MPRIP: variants seen among roughly 807,000 people sequenced by gnomAD.
MPRIP encodes the protein myosin phosphatase Rho interacting protein, also known as myosin phosphatase Rho-interacting protein.
Under a neutral mutation model 234.9 loss-of-function variants are expected in MPRIP, and 59 were observed. The observed-to-expected ratio is 0.25, with a 90% CI of 0.20 to 0.31. The LOEUF is 0.31. MPRIP is among the 10% of genes least tolerant of loss of function. The pLI is 1.00. For missense variants in MPRIP, 2,436 were observed against 3,071.0 expected (o/e 0.79, Z 4.89); for synonymous variants, 1,144 against 1,263.9 (o/e 0.91, Z 2.01).
At chr17:17,045,803 T>C (rs1355958083) in intron 1 of MPRIP, among the ~76,000 whole-genome samples, 4 of 147,610 alleles carry the variant, frequency 2.7e-5, no homozygotes, top group African/African-American at 7.8e-5. Context: ...GACCCAAATA[T>C]ACAGTTTTTT....
intron 9 of MPRIP, among the ~76,000 whole-genome samples, chr17:17,144,577 G>T (rs1311377009): frequency 6.6e-6 from 1 of 152,198 alleles, no homozygotes; most frequent in African/African-American, 2.4e-5. Flanking sequence ...TGCAAGCTAG[G>T]CCGGGCACGG....
At chr17:17,128,916 C>T (rs564005885) in intron 4 of MPRIP, among the ~76,000 whole-genome samples, 56 of 152,350 alleles carry the variant, frequency 3.7e-4, no homozygotes, top group African/African-American at 1.3e-3. Context: ...CCAGTAACCT[C>T]ATCCCTAGGC....
chr17:17,103,120 C>T (rs770422856), intron 3 of MPRIP, among the ~76,000 whole-genome samples: 2 of 152,280 alleles, frequency 1.3e-5, no homozygotes, highest in East Asian at 3.9e-4. Context: ...TGTGGTGGAG[C>T]GAGTACTGGA....
At chr17:17,123,349 T>C (rs1252272573) in intron 3 of MPRIP, among the ~76,000 whole-genome samples, 2 of 151,988 alleles carry the variant, frequency 1.3e-5, no homozygotes, top group Admixed American at 1.3e-4. Flanking sequence ...AAATTATATC[T>C]CAATAAAGCT....
At position 17,167,927 on chromosome 17, in the gene MPRIP, C is replaced by G; in HGVS notation, c.6324+12C>G. On this transcript the variant is annotated intron_variant, in intron 16 of 23. Coordinates refer to ENST00000651222, the MANE Select transcript of MPRIP (RefSeq NM_001364716.4). This position sits in a 1 kb window ranked among gnomAD's most constrained non-coding sequence, Gnocchi z 5.9. ...TGGAGAGCCTTAAGGTCTTAACGCC[C>G]CATTCAATTTGCAGAGCAGATCTTC... The G allele has an allele frequency of 2.3e-6, 3 of 1,295,554 alleles. No homozygotes were observed. The highest frequency in any genetic ancestry group is 3.0e-6 in the Non-Finnish European group (3 of 983,872). The allele number at this position is 1,295,554 out of a possible 1,614,324, so 80.3% of individuals were successfully genotyped here. A position where few individuals can be genotyped will look rare whatever the true frequency, so the allele number is the denominator to read the frequency against.
At position 17,126,711 on chromosome 17, in the gene MPRIP, C is replaced by G; in HGVS notation, c.277C>G (p.Leu93Val). 6.2e-7 allele frequency: 1 copy of G among 1,612,340 alleles called. No individual in the cohort carries two copies. Residue 93 changes from leucine to valine, a missense_variant, in exon 4 of 24, where the codon CTT becomes GTT. By Grantham distance (32) the Leu-to-Val change is conservative (BLOSUM62 1). This residue lies in a region of MPRIP where 140 missense variants were observed against 207.3 expected (regional missense o/e 0.68). Coordinates refer to ENST00000651222, the MANE Select transcript of MPRIP (RefSeq NM_001364716.4). Reference protein sequence around the residue: ...RYALDEMPTTLPQGTINMNQC... With the variant: ...RYALDEMPTTVPQGTINMNQC... ...TGCCGCCTTCTTCCAGCCCACGACC[C>G]TTCCTCAGGGCACCATCAACATGAA...
intron 19 of MPRIP, 28 bp from the exon 20 acceptor site, chr17:17,175,265 G>A: frequency 6.2e-7 from 1 of 1,612,654 alleles, no homozygotes; most frequent in South Asian, 1.1e-5. Flanking sequence ...CAGCTCTGGA[G>A]TGTCACTGTT....
chr17:17,182,272 G>A (rs373083683), intron 23 of MPRIP: 1 of 152,190 alleles, frequency 6.6e-6, no homozygotes, highest in Admixed American at 6.5e-5. Flanking sequence ...TGTGTCTTTT[G>A]TTCTGTTCTG....
At chr17:17,113,542 CTAT>C (rs2090215792) in intron 3 of MPRIP, among the ~76,000 whole-genome samples, 1 of 152,144 alleles carries the variant, frequency 6.6e-6, no homozygotes, top group African/African-American at 2.4e-5. Context: ...ATTCATCTAT[CTAT>C]TGGTGGACAC....
chr17:17,150,967 T>A (rs2045588430), intron 12 of MPRIP, among the ~76,000 whole-genome samples: 1 of 151,738 alleles, frequency 6.6e-6, no homozygotes, highest in Admixed American at 6.6e-5. Context: ...TACCTCAGCC[T>A]CCAGAGTAAC....
chr17:17,181,011 C>A (rs549948173), intron 23 of MPRIP, among the ~76,000 whole-genome samples: 3 of 152,230 alleles, frequency 2.0e-5, no homozygotes, highest in African/African-American at 4.8e-5. Flanking sequence ...GATGTCCACA[C>A]TGGCAAGTGA....
chr17:17,176,567 G>A (rs2046259061), intron 21 of MPRIP, 55 bp downstream of exon 21: 1 of 1,355,778 alleles, frequency 7.4e-7, no homozygotes, highest in Non-Finnish European at 1.1e-6. Context: ...TAGGTGACAT[G>A]CGCCTCCTGA....
At chr17:17,046,693 C>T (rs1460154064) in intron 1 of MPRIP, among the ~76,000 whole-genome samples, 1 of 152,046 alleles carries the variant, frequency 6.6e-6, no homozygotes, top group East Asian at 1.9e-4. Flanking sequence ...TTTGTAGGAG[C>T]TTTCTATAAG....
chr17:17,069,521 A>G (rs904866169), intron 1 of MPRIP, among the ~76,000 whole-genome samples: 1 of 148,018 alleles, frequency 6.8e-6, no homozygotes. Context: ...TTACTTGAAC[A>G]TTTTCTTTAG....
At chr17:17,148,196 G>A (rs528340346) in intron 11 of MPRIP, among the ~76,000 whole-genome samples, 43 of 152,298 alleles carry the variant, frequency 2.8e-4, no homozygotes, top group African/African-American at 9.9e-4. Flanking sequence ...TGTGGGCGGT[G>A]GGCCTCTGGT....
At position 17,158,826 on chromosome 17, in the gene MPRIP, A is replaced by G. The variant is rs756293339; in HGVS notation, c.2224A>G (p.Met742Val). Residue 742 changes from methionine to valine, a missense_variant, in exon 14 of 24, where the codon ATG (methionine) becomes GTG (valine). Met to Val is a conservative substitution (Grantham distance 21). Transcript: ENST00000651222. ...MEVDRSPGLP[M>V]SDLKTHNVHV... ...GGTGGACCGGAGCCCAGGGCTGCCT[A>G]TGAGCGACCTCAAAACGCATAACGT... The G allele has an allele frequency of 2.4e-5, 38 of 1,611,562 alleles. No homozygotes were observed. Among genetic ancestry groups the G allele is most frequent in the Non-Finnish European group, 3.0e-5 (35 of 1,179,950 alleles).
chr17:17,054,675 T>C (rs1180665051), intron 1 of MPRIP, among the ~76,000 whole-genome samples: 4 of 152,000 alleles, frequency 2.6e-5, no homozygotes, highest in Non-Finnish European at 5.9e-5. Context: ...TTTTTTTTTT[T>C]CCTCAACATT....
At chr17:17,123,098 CCTTGAAAATATGCTAAATG>C in intron 3 of MPRIP, among the ~76,000 whole-genome samples, 1 of 152,196 alleles carries the variant, frequency 6.6e-6, no homozygotes, top group South Asian at 2.1e-4. Context: ...TATGCTAAAT[CCTTGAAAATATGCTAAATG>C]GAAGCCAGAT....
chr17:17,130,133 G>C (rs1401111900), intron 4 of MPRIP, among the ~76,000 whole-genome samples: 1 of 152,138 alleles, frequency 6.6e-6, no homozygotes, highest in African/African-American at 2.4e-5. Flanking sequence ...GGCATTGCAG[G>C]TGTTTATTCA....
Sources: allele counts gnomAD v4.1 joint callset (sites outside exome capture counted in the v4.1 genomes callset), GRCh38; gene constraint gnomAD v4.1.1; regional missense constraint gnomAD v4.1.1; non-coding constraint Gnocchi (gnomAD v3.1); transcripts MANE v1.5; gene names NCBI Gene and HGNC (gene_info 2026-07-23, HGNC 2026-07-21).